Variants in LCLAT1 observed in about 807,000 individuals in gnomAD.
LCLAT1 encodes lysocardiolipin acyltransferase 1, also known as 1-AGP acyltransferase 8.
A neutral mutation model predicts 30.7 loss-of-function variants in LCLAT1; 11 were observed. That is an observed-to-expected ratio of 0.36 (90% CI 0.23 to 0.59). The LOEUF is 0.59. LCLAT1 is among the 20% of genes least tolerant of loss of function. The pLI is 0.77. For missense variants in LCLAT1, 402 were observed against 458.6 expected (o/e 0.88, Z 1.13); for synonymous variants, 155 against 151.3 (o/e 1.02, Z -0.18).
At chr2:30,639,779 T>C (rs13408621) in intron 5 of LCLAT1, among the ~76,000 whole-genome samples, 19,416 of 152,218 alleles carry the variant, frequency 0.13, 1,364 homozygotes, top group South Asian at 0.23. Context: ...TGAATTCTAT[T>C]GGTGTTTAAG....
chr2:30,593,019 A>G (rs1666765557), intron 5 of LCLAT1, among the ~76,000 whole-genome samples: 1 of 152,160 alleles, frequency 6.6e-6, no homozygotes, highest in Non-Finnish European at 1.5e-5. Flanking sequence ...TACTCCTTCT[A>G]ACTATTTTTG....
intron 1 of LCLAT1, among the ~76,000 whole-genome samples, chr2:30,471,457 G>A (rs1474591277): frequency 2.0e-5 from 3 of 152,176 alleles, no homozygotes; most frequent in African/African-American, 4.8e-5. Context: ...TGATCCACCC[G>A]CCTCAGCCTC....
At chr2:30,615,806 T>C (rs1390501755) in intron 5 of LCLAT1, among the ~76,000 whole-genome samples, 2 of 152,156 alleles carry the variant, frequency 1.3e-5, no homozygotes, top group Non-Finnish European at 2.9e-5. Context: ...AAAGGTACAT[T>C]ATATACTGCA....
At chr2:30,447,949 G>A (rs1681348304) in intron 1 of LCLAT1, among the ~76,000 whole-genome samples, 1 of 152,180 alleles carries the variant, frequency 6.6e-6, no homozygotes, top group Admixed American at 6.5e-5. Flanking sequence ...CGAAAAGAAA[G>A]GTAGGCCCTA....
intron 1 of LCLAT1, among the ~76,000 whole-genome samples, chr2:30,506,402 AGT>A (rs1208667453): frequency 6.6e-6 from 1 of 152,108 alleles, no homozygotes; most frequent in East Asian, 1.9e-4. Context: ...TAATAGAGAC[AGT>A]GTTTTAAAAT....
At chr2:30,531,682 T>G (rs1312429165) in intron 2 of LCLAT1, among the ~76,000 whole-genome samples, 2 of 152,224 alleles carry the variant, frequency 1.3e-5, no homozygotes, top group Non-Finnish European at 2.9e-5. Context: ...ACACTTTGAC[T>G]CTGTAACAAT....
rs115390790 is a variant in LCLAT1 at position 30,486,269 on chromosome 2, G to A, written c.-5+38886G>A. Among the ~76,000 whole-genome samples the A allele has an allele frequency of 6.0e-3, 917 of 152,158 alleles. 4 individuals carry two copies. The highest frequency in any genetic ancestry group is 9.0e-3 in the Non-Finnish European group (609 of 67,984). ...AAAAAAATTTAACATAAAAATTAAA[G>A]CATTAAATTTTTATATTATGTTATC... On this transcript the variant is annotated intron_variant, in intron 1 of 5. Transcript: ENST00000379509.
intron 5 of LCLAT1, among the ~76,000 whole-genome samples, chr2:30,589,696 C>A (rs1236199362): frequency 6.6e-6 from 1 of 152,168 alleles, no homozygotes; most frequent in Non-Finnish European, 1.5e-5. Context: ...ATGAAAAACA[C>A]AAATGTGTAT....
chr2:30,478,044 T>G (rs1683134333), intron 1 of LCLAT1, among the ~76,000 whole-genome samples: 1 of 134,126 alleles, frequency 7.5e-6, no homozygotes, highest in Non-Finnish European at 1.6e-5. Flanking sequence ...TTTGGGAACG[T>G]AAAGTCAAAA....
intron 5 of LCLAT1, among the ~76,000 whole-genome samples, chr2:30,629,330 C>CA: frequency 6.6e-6 from 1 of 152,250 alleles, no homozygotes; most frequent in Non-Finnish European, 1.5e-5. Context: ...GAGGCTGAGG[C>CA]AGGTGGATCA....
Position 30,495,915 on chromosome 2 carries a change from T to A in LCLAT1, c.-4-29672T>A, listed in dbSNP as rs183615105. Among the ~76,000 whole-genome samples the A allele has an allele frequency of 2.6e-5, 4 of 152,340 alleles. No individual in the cohort carries two copies. The East Asian group carries it at 7.7e-4, about 29-fold the overall frequency. The stretch of plus-strand genomic sequence containing the variant: ...GATACAGATAATATATTGGGGTCTG[T>A]ATTAGTCTGTTCTTGCGTTGCTATA... On this transcript the variant is annotated intron_variant, in intron 1 of 5. Coordinates refer to ENST00000379509, the MANE Select transcript of LCLAT1 (RefSeq NM_001002257.3).
At chr2:30,543,561 GT>G (rs908089857) in intron 3 of LCLAT1, among the ~76,000 whole-genome samples, 1 of 151,704 alleles carries the variant, frequency 6.6e-6, no homozygotes, top group Non-Finnish European at 1.5e-5. Flanking sequence ...TAAGCTTGGA[GT>G]TTTTTTTAGT....
chr2:30,620,965 A>G (rs905447459), intron 5 of LCLAT1, among the ~76,000 whole-genome samples: 3 of 152,058 alleles, frequency 2.0e-5, no homozygotes, highest in African/African-American at 4.8e-5. Context: ...CCATATTTCT[A>G]TATGTAAAGG....
chr2:30,473,268 G>C (rs1285809010), intron 1 of LCLAT1, among the ~76,000 whole-genome samples: 2 of 152,088 alleles, frequency 1.3e-5, no homozygotes, highest in Non-Finnish European at 2.9e-5. Flanking sequence ...ATGTATGTGT[G>C]TATACATATA....
Position 30,488,569 on chromosome 2 carries a change from T to C in LCLAT1, c.-4-37018T>C, listed in dbSNP as rs1481690954. Among the ~76,000 whole-genome samples, 7 of 152,362 alleles carry C rather than the reference T, an allele frequency of 4.6e-5. No individual in the cohort carries two copies. In the East Asian group the frequency reaches 1.3e-3, roughly 29 times the overall value. ...TTGGTTGTCCCTAGCTCTTGCTTTT[T>C]CAGATTAGATATTGACTCTTAGATA... On this transcript the variant is annotated intron_variant, in intron 1 of 5. Transcript: ENST00000379509.
chr2:30,585,265 C>T (rs938870107), intron 5 of LCLAT1, among the ~76,000 whole-genome samples: 3 of 150,508 alleles, frequency 2.0e-5, no homozygotes, highest in Admixed American at 6.6e-5. Flanking sequence ...TATCCATCCT[C>T]GGTAAAAAAA....
At chr2:30,501,340 G>A (rs150333156) in intron 1 of LCLAT1, among the ~76,000 whole-genome samples, 66 of 152,150 alleles carry the variant, frequency 4.3e-4, no homozygotes, top group Admixed American at 4.1e-3. Flanking sequence ...TTGACAAAAT[G>A]GTGGTGTGTT....
intron 1 of LCLAT1, among the ~76,000 whole-genome samples, chr2:30,470,542 A>G (rs924890890): frequency 3.9e-5 from 6 of 152,236 alleles, no homozygotes; most frequent in Non-Finnish European, 5.9e-5. Flanking sequence ...GGCTTGGCCT[A>G]TGTGCAGGAA....
At position 30,640,479 on chromosome 2, in the gene LCLAT1, CTTG is replaced by C. The variant is rs1227593314; in HGVS notation, c.994_996del (p.Val332del). ...GTGCCTACTCATATATTTGTACAGT[CTTG>C]TTAAGTGGTATTTTATAATCACCAT... On this transcript the variant is annotated inframe_deletion, in exon 6 of 6. Transcript: ENST00000379509. 3 of 1,613,952 alleles carry C rather than the reference CTTG, an allele frequency of 1.9e-6. No homozygotes were observed. The highest frequency in any genetic ancestry group is 8.5e-7 in the Non-Finnish European group (1 of 1,179,948).
Sources: gnomAD v4.1 joint callset for allele counts (sites outside exome capture counted in the v4.1 genomes callset) on GRCh38, gnomAD v4.1.1 for gene constraint, MANE v1.5 for transcripts, NCBI Gene and HGNC (gene_info 2026-07-23, HGNC 2026-07-21) for gene names.